Variants in LIPE observed in about 807,000 individuals in gnomAD.
LIPE encodes lipase E, hormone sensitive type, also known as hormone-sensitive lipase.
A neutral mutation model predicts 88.5 loss-of-function variants in LIPE; 66 were observed. The ratio of observed to expected loss-of-function variants is 0.75; its 90% confidence interval spans 0.61 to 0.91. The LOEUF is 0.91. LIPE is among the 40% of genes least tolerant of loss of function. The probability of loss-of-function intolerance (pLI) is 0.00; values close to 1 mark genes in which losing one functional copy is unlikely to be tolerated. For missense variants in LIPE, 1,346 were observed against 1,434.7 expected, an observed-to-expected ratio of 0.94 and a Z score of 1.00; for synonymous variants, 570 against 617.5, an observed-to-expected ratio of 0.92 and a Z score of 1.14.
rs1568598947 is a variant in LIPE, at chr19:42,406,613, G to A, written c.2138-225C>T. ...TGACTCAGGACCTGGAGAGGCCCAG[G>A]GAAGCACTGGGAAAGTCTGTCGGGG... On this transcript the variant is annotated intron_variant, in intron 6 of 9. Transcript: ENST00000244289. The surrounding 1 kb of genome is among the most constrained non-coding windows in gnomAD (Gnocchi z 5.7). 6.6e-6 allele frequency among the ~76,000 whole-genome samples: 1 copy of A among 152,218 alleles called. No individual in the cohort carries two copies. Among genetic ancestry groups the A allele is most frequent in the Non-Finnish European group, 1.5e-5 (1 of 68,030 alleles).
chr19:42,424,152 G>A (rs2040660808), intron 1 of LIPE: 5 of 1,183,580 alleles, frequency 4.2e-6, no homozygotes, highest in Non-Finnish European at 5.4e-6. Flanking sequence ...CTTTTCCTGG[G>A]GGATCTTTCT....
Position 42,424,242 on chromosome 19 carries a change from C to T in LIPE, c.883+2025G>A, listed in dbSNP as rs893830180. The T allele has an allele frequency of 6.4e-5, 41 of 639,456 alleles. No individual in the cohort carries two copies. The African/African-American group carries it at 6.7e-4, about 10-fold the overall frequency. 39.6% of individuals were successfully genotyped at this position (639,456 alleles called of 1,614,324 possible). ...GGTAGGAGAACGCTCGGCGCCTGCG[C>T]ACTAGCTTCAGGCCGCGGGCCGGCC... On this transcript the variant is annotated intron_variant, in intron 1 of 9. Coordinates refer to ENST00000244289, the MANE Select transcript of LIPE (RefSeq NM_005357.4).
chr19:42,424,119 T>C (rs927092430), intron 1 of LIPE: 11 of 1,192,144 alleles, frequency 9.2e-6, no homozygotes, highest in Admixed American at 3.5e-5. Flanking sequence ...TTCCCTCTCC[T>C]GTCTCCTAGT....
chr19:42,424,614 T>A (rs1290305374), intron 1 of LIPE: 2 of 456,316 alleles, frequency 4.4e-6, no homozygotes, highest in Non-Finnish European at 8.8e-6. Flanking sequence ...TCTTATCAGC[T>A]GTGGGAGAGA....
At chr19:42,413,672 A>G (rs2040430692) in intron 1 of LIPE, among the ~76,000 whole-genome samples, 1 of 152,186 alleles carries the variant, frequency 6.6e-6, no homozygotes, top group Non-Finnish European at 1.5e-5. Context: ...TCTTAAAACA[A>G]AACAAAAAAG....
rs141744211 is a variant in LIPE, at chr19:42,426,582, G to T, written c.568C>A (p.Pro190Thr). ...TGCTTGGATTTGGCTCCCTGGACTG[G>T]CGTTGTTTGCTTGTCTGACTGTTCA... ...TPEQSDKQTTPVQGAKSKQGS... is the reference protein window; with the variant it reads ...TPEQSDKQTTTVQGAKSKQGS... The change falls in exon 1 of 10, where the codon CCA (proline) becomes ACA (threonine). Residue 190 changes from proline (P) to threonine (T), a missense_variant. Coordinates refer to ENST00000244289, the MANE Select transcript of LIPE (RefSeq NM_005357.4). 7.1e-4 allele frequency: 1,152 copies of T among 1,614,206 alleles called. 11 individuals are homozygous for T. In the African/African-American group the frequency reaches 0.013, roughly 19 times the overall value.
intron 9 of LIPE, among the ~76,000 whole-genome samples, 178 bp from the exon 10 acceptor site, chr19:42,402,253 G>C (rs1568592790): frequency 6.6e-6 from 1 of 151,976 alleles, no homozygotes; most frequent in African/African-American, 2.4e-5. Context: ...GGAATGGGGG[G>C]AGTTGTGGGA....
rs145758482 is a variant in LIPE, at chr19:42,415,666, C to T, written c.884-4824G>A. Among the ~76,000 whole-genome samples the T allele has an allele frequency of 3.3e-4, 50 of 151,846 alleles. No individual in the cohort carries two copies. The East Asian group carries it at 5.8e-3, about 18-fold the overall frequency. On this transcript the variant is annotated intron_variant, in intron 1 of 9. Transcript: ENST00000244289. ...TCTACTAAAAATACAAAAAATCAGC[C>T]GGGCGTGGTGGTGGGTGCCTGTAGT...
chr19:42,408,412 C>T lies in LIPE; in HGVS notation c.1420-90G>A, dbSNP rs377553422. 1.1e-5 allele frequency: 11 copies of T among 1,044,786 alleles called. No individual in the cohort carries two copies. The South Asian group carries it at 1.1e-4, about 11-fold the overall frequency. 64.7% of individuals were successfully genotyped at this position (1,044,786 alleles called of 1,614,324 possible). On this transcript the variant is annotated intron_variant, in intron 2 of 9. Transcript: ENST00000244289. The surrounding 1 kb of genome is among the most constrained non-coding windows in gnomAD (Gnocchi z 4.3). ...GGCACAGGGATGTGCGGGGAAGACACATTCATTCAGTAAACGTTTCATGAG... is the reference window on the plus strand; with the variant it reads ...GGCACAGGGATGTGCGGGGAAGACATATTCATTCAGTAAACGTTTCATGAG...
chr19:42,427,175 G>T lies in LIPE; in HGVS notation c.-26C>A. 6.4e-7 allele frequency: 1 copy of T among 1,560,386 alleles called. No homozygotes were observed. The highest frequency in any genetic ancestry group is 8.6e-7 in the Non-Finnish European group (1 of 1,158,058). On this transcript the variant is annotated 5_prime_UTR_variant, in exon 1 of 10. Coordinates refer to ENST00000244289, the MANE Select transcript of LIPE (RefSeq NM_005357.4). ...TGTTATTTCCCTCACGGGAGATATT[G>T]ATCTTCCAGGTTCTATCCTTCTGGG...
At position 42,407,717 on chromosome 19, in the gene LIPE, C is replaced by T. The variant is rs200371171; in HGVS notation, c.1731G>A (p.Met577Ile). 2.2e-4 allele frequency: 344 copies of T among 1,580,356 alleles called. No homozygotes were observed. The highest frequency in any genetic ancestry group is 2.8e-4 in the Non-Finnish European group (321 of 1,164,794). Residue 577 changes from methionine to isoleucine, a missense_variant, in exon 5 of 10, where the codon ATG becomes ATA. Transcript: ENST00000244289. This position sits in a 1 kb window ranked among gnomAD's most constrained non-coding sequence, Gnocchi z 5.8. ...TGAGCGTGGGGTCGGCAGTCAGTGG[C>T]ATCTCAAAGGCTTCGGGTGGCAGGC... ...LLSLPPEAFE[M>I]PLTADPTLTV...
At chr19:42,413,755 G>T (rs1176897043) in intron 1 of LIPE, among the ~76,000 whole-genome samples, 1 of 152,230 alleles carries the variant, frequency 6.6e-6, no homozygotes, top group Non-Finnish European at 1.5e-5. Context: ...GGCTGGAAGT[G>T]AATCTTCTGT....
Position 42,410,989 on chromosome 19 carries a change from TC to T in LIPE, c.884-148del. 2 of 823,998 alleles carry T rather than the reference TC, an allele frequency of 2.4e-6. No individual in the cohort carries two copies. The highest frequency in any genetic ancestry group is 4.3e-5 in the South Asian group (2 of 45,982). 51.0% of individuals were successfully genotyped at this position (823,998 alleles called of 1,614,324 possible). On this transcript the variant is annotated intron_variant, in intron 1 of 9. Transcript: ENST00000244289. The surrounding 1 kb of genome is among the most constrained non-coding windows in gnomAD (Gnocchi z 6.1). The stretch of plus-strand genomic sequence containing the variant: ...GTTCCAGGGGCCCAGGACCCCAGGT[TC>T]CTCCTCCCTTAGACATAAGAGGTCA...
intron 1 of LIPE, chr19:42,423,451 C>T (rs1442141536): frequency 1.7e-5 from 22 of 1,289,342 alleles, no homozygotes; most frequent in Admixed American, 4.6e-5. Flanking sequence ...CCGCCGGCGA[C>T]CGTGGCTCCT....
At chr19:42,425,667 C>A (rs572801708) in intron 1 of LIPE, among the ~76,000 whole-genome samples, 2 of 152,044 alleles carry the variant, frequency 1.3e-5, no homozygotes, top group African/African-American at 4.8e-5. Context: ...TAAAAATTAG[C>A]GGGGCATGGT....
chr19:42,405,588 T>C, intron 7 of LIPE, 27 bp from the exon 8 acceptor site: 3 of 1,593,902 alleles, frequency 1.9e-6, no homozygotes, highest in South Asian at 1.1e-5. Context: ...GGTAGCTGAG[T>C]TGTTTTCCCC....
At chr19:42,411,775 C>T (rs2040382036) in intron 1 of LIPE, among the ~76,000 whole-genome samples, 1 of 152,202 alleles carries the variant, frequency 6.6e-6, no homozygotes, top group African/African-American at 2.4e-5. Flanking sequence ...GGCCCTGCTC[C>T]CCTGCCTGGA....
rs1600097909 is a variant in LIPE, at chr19:42,401,884, A to C, written c.3159T>G (p.Pro1053=). ...CCCCGCTCGGCCCGGCTCCGGCGGG[A>C]GGAGTGAGGACGAGGCGGATGCGCT... is the stretch of plus-strand genomic sequence containing the variant. ...CVERIRLVLT[P]PAGAGPSGET... is the part of the protein sequence containing the mutation. The change falls in exon 10 of 10, where the codon CCT becomes CCG. Residue 1053 remains proline (P), a synonymous_variant. Coordinates refer to ENST00000244289, the MANE Select transcript of LIPE (RefSeq NM_005357.4). 1 of 1,362,090 alleles carries C rather than the reference A, an allele frequency of 7.3e-7. No homozygotes were observed. Among genetic ancestry groups the C allele is most frequent in the Non-Finnish European group, 9.6e-7 (1 of 1,040,980 alleles). The allele number at this position is 1,362,090 out of a possible 1,614,324, so 84.4% of individuals were successfully genotyped here.
chr19:42,426,471 C>T lies in LIPE; in HGVS notation c.679G>A (p.Glu227Lys), dbSNP rs1163364110. The T allele has an allele frequency of 5.0e-6, 8 of 1,614,030 alleles. No individual in the cohort carries two copies. The Admixed American group carries it at 1.3e-4, about 27-fold the overall frequency. The change falls in exon 1 of 10, where the codon GAG becomes AAG. Residue 227 changes from glutamate to lysine, a missense_variant. Coordinates refer to ENST00000244289, the MANE Select transcript of LIPE (RefSeq NM_005357.4). ...RSALEWKALSEWVTDSESESD... is the reference protein window; with the variant it reads ...RSALEWKALSKWVTDSESESD... ...TCTGACTCAGAATCTGTGACCCACT[C>T]AGAAAGTGCCTTCCACTCTAGGGCT... is the stretch of plus-strand genomic sequence containing the variant.
Sources: allele counts gnomAD v4.1 joint callset (sites outside exome capture counted in the v4.1 genomes callset), GRCh38; gene constraint gnomAD v4.1.1; non-coding constraint Gnocchi (gnomAD v3.1); transcripts MANE v1.5; gene names NCBI Gene and HGNC (gene_info 2026-07-23, HGNC 2026-07-21).